SF3A3: variants seen among roughly 807,000 people sequenced by gnomAD.
SF3A3 encodes splicing factor 3a subunit 3, also known as SAP 61.
In SF3A3, 9 loss-of-function variants were observed where a neutral mutation model predicts 85.8. The ratio of observed to expected loss-of-function variants is 0.10; its 90% CI spans 0.06 to 0.18. SF3A3 has a LOEUF of 0.18. Among genes scored for constraint, SF3A3 ranks in the 10% least tolerant of loss-of-function variants. The pLI is 1.00. For synonymous variants in SF3A3, 195 were observed against 204.4 expected (o/e 0.95, Z 0.39); for missense variants, 306 against 593.3 (o/e 0.52, Z 5.03).
At chr1:37,986,407 T>C (rs1453724415) in intron 4 of SF3A3, among the ~76,000 whole-genome samples, 3 of 152,148 alleles carry the variant, frequency 2.0e-5, no homozygotes, top group African/African-American at 2.4e-5. Flanking sequence ...TTTCTGAAAC[T>C]CTCTTTTGCT....
In SF3A3 at chr1:37,969,449, G is replaced by A. The variant is rs1372299283; in HGVS notation, c.1186C>T (p.Leu396=). The change falls in exon 14 of 17, where the codon CTG becomes TTG. Residue 396 remains leucine (L), a synonymous_variant. Coordinates refer to ENST00000373019, the MANE Select transcript of SF3A3 (RefSeq NM_006802.4). The part of the protein sequence containing the change: ...GWDGKPIPYW[L]YKLHGLNINY... ...ATATTTAGGCCATGAAGCTTATACA[G>A]CCAGTAGGGAATAGGCTAAAAAAGA... 3 of 1,613,366 alleles carry A rather than the reference G, an allele frequency of 1.9e-6. No individual in the cohort carries two copies. In the South Asian group the frequency reaches 3.3e-5, roughly 18 times the overall value.
chr1:37,964,202 A>G (rs1031146227), intron 15 of SF3A3, among the ~76,000 whole-genome samples: 8 of 151,770 alleles, frequency 5.3e-5, no homozygotes, highest in Non-Finnish European at 1.0e-4. Flanking sequence ...AACAAAAACA[A>G]ACTCTGTATG....
Position 37,984,786 on chromosome 1 carries a change from G to C in SF3A3, c.304-7C>G, listed in dbSNP as rs749704836. ...CTGACATTGGCACACAGATCTGAGG[G>C]GAAAAGTAAAAGCTCAGGTGGATTT... is the stretch of plus-strand genomic sequence containing the variant. On this transcript the variant is annotated splice_polypyrimidine_tract_variant and splice_region_variant and intron_variant, in intron 4 of 16. Transcript: ENST00000373019. The C allele has an allele frequency of 6.2e-7, 1 of 1,611,908 alleles. No homozygotes were observed. Among genetic ancestry groups the C allele is most frequent in the East Asian group, 2.2e-5 (1 of 44,864 alleles).
At position 37,959,373 on chromosome 1, in the gene SF3A3, C is replaced by G. The variant is rs375418469; in HGVS notation, c.1428+747G>C. 2.6e-5 allele frequency among the ~76,000 whole-genome samples: 4 copies of G among 152,070 alleles called. No individual in the cohort carries two copies. The East Asian group carries it at 5.8e-4, about 22-fold the overall frequency. The stretch of plus-strand genomic sequence containing the variant: ...GGATTATGGGCATGAACTGCTGCAC[C>G]TGGCCCATTTCAAAATTTGAATGGC... On this transcript the variant is annotated intron_variant, in intron 16 of 16. Transcript: ENST00000373019.
chr1:37,971,421 C>T (rs1201307325), intron 12 of SF3A3, among the ~76,000 whole-genome samples: 1 of 152,032 alleles, frequency 6.6e-6, no homozygotes, highest in Non-Finnish European at 1.5e-5. Context: ...CGAGTTCTAC[C>T]AGAGGTACAA....
intron 10 of SF3A3, 41 bp downstream of exon 10, chr1:37,978,947 C>T: frequency 6.3e-7 from 1 of 1,583,536 alleles, no homozygotes; most frequent in South Asian, 1.1e-5. Context: ...TGTGCAAACA[C>T]ACAGTAAATC....
At chr1:37,986,051 C>T (rs918339847) in intron 4 of SF3A3, among the ~76,000 whole-genome samples, 1 of 148,622 alleles carries the variant, frequency 6.7e-6, no homozygotes, top group East Asian at 2.0e-4. Context: ...TGGGTTCAAG[C>T]GATTCTCCTG....
chr1:37,964,409 A>C (rs1038130875), intron 15 of SF3A3, among the ~76,000 whole-genome samples: 1 of 152,122 alleles, frequency 6.6e-6, no homozygotes, highest in South Asian at 2.1e-4. Flanking sequence ...ATTTGAGACC[A>C]GCCTGGCCAA....
chr1:37,959,643 A>G (rs1413098451), intron 16 of SF3A3, among the ~76,000 whole-genome samples: 4 of 152,076 alleles, frequency 2.6e-5, no homozygotes, highest in Admixed American at 6.6e-5. Context: ...CAGTGGCACA[A>G]TCTCGGCTCA....
chr1:37,964,258 C>A (rs1646283209), intron 15 of SF3A3, among the ~76,000 whole-genome samples: 1 of 152,062 alleles, frequency 6.6e-6, no homozygotes, highest in East Asian at 1.9e-4. Flanking sequence ...TAATGACTAA[C>A]CCTTAAAAAA....
chr1:37,978,691 C>A, intron 11 of SF3A3, 29 bp downstream of exon 11: 1 of 1,411,090 alleles, frequency 7.1e-7, no homozygotes, highest in Middle Eastern at 2.0e-4. Context: ...TTAAAAGCCA[C>A]AAGCAGCAGT....
At chr1:37,980,149 G>A (rs1000481002) in intron 8 of SF3A3, among the ~76,000 whole-genome samples, 50 of 152,138 alleles carry the variant, frequency 3.3e-4, no homozygotes, top group Non-Finnish European at 1.5e-5. Context: ...ATACGGCCAG[G>A]TGCGGTGGCT....
intron 15 of SF3A3, among the ~76,000 whole-genome samples, chr1:37,961,217 A>C (rs1042653621): frequency 6.6e-6 from 1 of 152,214 alleles, no homozygotes; most frequent in Non-Finnish European, 1.5e-5. Flanking sequence ...AATATATGAT[A>C]AAATGCTTAG....
chr1:37,974,363 C>T (rs1351546542), intron 12 of SF3A3, among the ~76,000 whole-genome samples: 7 of 133,032 alleles, frequency 5.3e-5, no homozygotes, highest in South Asian at 2.3e-4. Flanking sequence ...AGTGCAGTGG[C>T]GCAATCTCGG....
intron 16 of SF3A3, among the ~76,000 whole-genome samples, chr1:37,959,297 T>TC (rs1646241117): frequency 6.6e-6 from 1 of 152,184 alleles, no homozygotes; most frequent in Non-Finnish European, 1.5e-5. Context: ...CAGGCTGGTC[T>TC]CCAATTCCTG....
rs774699773 is a variant in SF3A3, at chr1:37,976,878, A to G, written c.1005+6T>C. ...CATTTTCCACTTTCAGCAGTCAGTC[A>G]CTTACCCCGAGAATCTCTACATATT... On this transcript the variant is annotated splice_donor_region_variant and intron_variant, in intron 12 of 16. Transcript: ENST00000373019. The G allele has an allele frequency of 6.4e-7, 1 of 1,561,690 alleles. No individual in the cohort carries two copies. The highest frequency in any genetic ancestry group is 1.1e-5 in the South Asian group (1 of 89,974).
At chr1:37,980,060 G>A (rs911402100) in intron 8 of SF3A3, among the ~76,000 whole-genome samples, 1 of 152,080 alleles carries the variant, frequency 6.6e-6, no homozygotes, top group African/African-American at 2.4e-5. Flanking sequence ...GTAATGATGT[G>A]ATTGGTGAAA....
intron 1 of SF3A3, 47 bp downstream of exon 1, chr1:37,989,823 A>T: frequency 6.8e-7 from 1 of 1,465,362 alleles, no homozygotes; most frequent in Non-Finnish European, 9.5e-7. Flanking sequence ...CAAACACGGG[A>T]TAGAGGCTCG....
intron 4 of SF3A3, among the ~76,000 whole-genome samples, chr1:37,985,633 T>A (rs1646451161): frequency 6.6e-6 from 1 of 152,224 alleles, no homozygotes; most frequent in Non-Finnish European, 1.5e-5. Context: ...ATTTAGTATA[T>A]CTTGGGCATC....
Sources: gnomAD v4.1 joint callset for allele counts (sites outside exome capture counted in the v4.1 genomes callset) on GRCh38, gnomAD v4.1.1 for gene constraint, MANE v1.5 for transcripts, NCBI Gene and HGNC (gene_info 2026-07-23, HGNC 2026-07-21) for gene names.